Variants in HECW2 observed in about 807,000 individuals in gnomAD.
HECW2 encodes the protein E3 ubiquitin-protein ligase HECW2.
HECW2 carries 61 observed loss-of-function variants against 175.2 expected under a neutral mutation model. That is an observed-to-expected ratio of 0.35 (90% CI 0.28 to 0.43). The LOEUF (loss-of-function observed/expected upper bound fraction) is 0.43, where lower values mean the gene tolerates loss of function less well. HECW2 is among the 20% of genes least tolerant of loss of function. HECW2 has a pLI of 1.00. For synonymous variants in HECW2, 671 were observed against 731.0 expected (o/e 0.92, Z 1.32); for missense variants, 1,524 against 2,000.5 (o/e 0.76, Z 4.54).
chr2:196,585,373 C>T (rs1690936705), intron 1 of HECW2, among the ~76,000 whole-genome samples: 2 of 152,102 alleles, frequency 1.3e-5, no homozygotes, highest in Non-Finnish European at 2.9e-5. Flanking sequence ...AGGGCCATCA[C>T]AATGGATGAC....
chr2:196,310,915 A>G (rs1691473695), intron 10 of HECW2, among the ~76,000 whole-genome samples: 1 of 152,210 alleles, frequency 6.6e-6, no homozygotes, highest in African/African-American at 2.4e-5. Context: ...AGAGGACACA[A>G]TCAAACAATT....
intron 4 of HECW2, among the ~76,000 whole-genome samples, chr2:196,330,631 T>C (rs1692322706): frequency 6.6e-6 from 1 of 152,134 alleles, no homozygotes; most frequent in African/African-American, 2.4e-5. Flanking sequence ...CAATATGTGA[T>C]CACCCTTGAT....
At chr2:196,565,150 C>A (rs1333293226) in intron 1 of HECW2, among the ~76,000 whole-genome samples, 3 of 152,102 alleles carry the variant, frequency 2.0e-5, no homozygotes, top group Admixed American at 6.5e-5. Context: ...TGCAGTAACC[C>A]AACCCCTATC....
intron 1 of HECW2, among the ~76,000 whole-genome samples, chr2:196,440,346 G>A (rs1304391019): frequency 6.6e-6 from 1 of 152,114 alleles, no homozygotes; most frequent in Non-Finnish European, 1.5e-5. Context: ...ATTTTATTTA[G>A]ATTACAACAA....
At chr2:196,421,711 T>C (rs1421149239) in intron 2 of HECW2, among the ~76,000 whole-genome samples, 1 of 152,136 alleles carries the variant, frequency 6.6e-6, no homozygotes, top group African/African-American at 2.4e-5. Context: ...TGAGTCTCCT[T>C]TAAGGAAAAG....
intron 1 of HECW2, among the ~76,000 whole-genome samples, chr2:196,571,683 G>C (rs1422952669): frequency 6.6e-6 from 1 of 151,814 alleles, no homozygotes; most frequent in Non-Finnish European, 1.5e-5. Flanking sequence ...CCTGGGCAAT[G>C]GGATGAGATT....
intron 1 of HECW2, among the ~76,000 whole-genome samples, chr2:196,460,076 A>C (rs1173900434): frequency 6.6e-6 from 1 of 152,138 alleles, no homozygotes; most frequent in Non-Finnish European, 1.5e-5. Flanking sequence ...CCAGTCTGTC[A>C]GAATGGCTAC....
chr2:196,215,348 A>C (rs1687437821), intron 28 of HECW2, among the ~76,000 whole-genome samples: 1 of 152,234 alleles, frequency 6.6e-6, no homozygotes, highest in Non-Finnish European at 1.5e-5. Flanking sequence ...ATTAGCAGCA[A>C]CAGCAAAGCA....
At chr2:196,489,298 A>G (rs1031401839) in intron 1 of HECW2, among the ~76,000 whole-genome samples, 1 of 152,198 alleles carries the variant, frequency 6.6e-6, no homozygotes, top group Non-Finnish European at 1.5e-5. Flanking sequence ...AGAGAGAGAG[A>G]TATATAACTC....
intron 1 of HECW2, among the ~76,000 whole-genome samples, chr2:196,525,306 CT>C (rs1339202438): frequency 3.9e-5 from 4 of 102,892 alleles, no homozygotes; most frequent in Non-Finnish European, 7.6e-5. Context: ...CAACCCCTGC[CT>C]TTTTTTGTTT....
At chr2:196,449,394 G>T (rs528009786) in intron 1 of HECW2, among the ~76,000 whole-genome samples, 1 of 152,072 alleles carries the variant, frequency 6.6e-6, no homozygotes, top group African/African-American at 2.4e-5. Context: ...AATGAAGCAA[G>T]GTTTGAAGTC....
At chr2:196,520,684 G>A (rs147390665) in intron 1 of HECW2, among the ~76,000 whole-genome samples, 1 of 152,172 alleles carries the variant, frequency 6.6e-6, no homozygotes, top group Non-Finnish European at 1.5e-5. Flanking sequence ...GAACCAAAAT[G>A]TCTCACATCA....
At chr2:196,401,595 T>A (rs1694818135) in intron 2 of HECW2, among the ~76,000 whole-genome samples, 2 of 152,238 alleles carry the variant, frequency 1.3e-5, no homozygotes, top group South Asian at 4.1e-4. Context: ...TTTTGTCAAA[T>A]ATTTCAAAAT....
chr2:196,269,866 G>T (rs1045747173), intron 17 of HECW2, among the ~76,000 whole-genome samples: 7 of 152,168 alleles, frequency 4.6e-5, no homozygotes, highest in African/African-American at 1.7e-4. Flanking sequence ...TATACAGAGA[G>T]GTTTTGAAAA....
At chr2:196,262,995 G>A (rs980086259) in intron 17 of HECW2, 2 of 151,436 alleles carry the variant, frequency 1.3e-5, no homozygotes, top group African/African-American at 2.4e-5. Flanking sequence ...ATTTCCACCC[G>A]GTGTTTGGAA....
intron 1 of HECW2, among the ~76,000 whole-genome samples, chr2:196,448,891 C>CT (rs1282717306): frequency 6.6e-6 from 1 of 152,164 alleles, no homozygotes; most frequent in African/African-American, 2.4e-5. Flanking sequence ...AAATCACATC[C>CT]TTTTTGCCCT....
intron 1 of HECW2, among the ~76,000 whole-genome samples, chr2:196,500,089 GA>G (rs888765588): frequency 2.7e-5 from 4 of 149,974 alleles, no homozygotes; most frequent in African/African-American, 7.3e-5. Flanking sequence ...TCCTCCTCAA[GA>G]AAAAAAAAGA....
chr2:196,224,560 T>A (rs1156954282), intron 23 of HECW2, among the ~76,000 whole-genome samples: 2 of 152,066 alleles, frequency 1.3e-5, no homozygotes, highest in Non-Finnish European at 1.5e-5. Flanking sequence ...TACAGTGTCA[T>A]AGATGCCAGC....
At chr2:196,396,943 C>G (rs554337780) in intron 2 of HECW2, among the ~76,000 whole-genome samples, 2 of 151,952 alleles carry the variant, frequency 1.3e-5, no homozygotes, top group East Asian at 3.9e-4. Context: ...AGCCCCATCT[C>G]TACTAAAAAT....
Sources: gnomAD v4.1 joint callset for allele counts (sites outside exome capture counted in the v4.1 genomes callset) on GRCh38, gnomAD v4.1.1 for gene constraint, MANE v1.5 for transcripts, NCBI Gene and HGNC (gene_info 2026-07-23, HGNC 2026-07-21) for gene names.